Variants in C2CD3 observed in about 807,000 individuals in gnomAD.
C2CD3 encodes C2 domain containing 3 centriole elongation regulator.
In C2CD3, 148 loss-of-function variants were observed where a neutral mutation model predicts 234.0. The ratio of observed to expected loss-of-function variants is 0.63; its 90% CI spans 0.55 to 0.72. The LOEUF (loss-of-function observed/expected upper bound fraction) is 0.72, where lower values mean the gene tolerates loss of function less well. Among genes scored for constraint, C2CD3 ranks in the 30% least tolerant of loss-of-function variants. The pLI is 0.00. For synonymous variants in C2CD3, 1,000 were observed against 1,035.4 expected, an observed-to-expected ratio of 0.97 and a Z score of 0.66; for missense variants, 2,577 against 2,811.5, an observed-to-expected ratio of 0.92 and a Z score of 1.89.
At chr11:74,166,377 C>T (rs1228155355) in intron 2 of C2CD3, among the ~76,000 whole-genome samples, 2 of 151,524 alleles carry the variant, frequency 1.3e-5, no homozygotes, top group African/African-American at 4.8e-5. Flanking sequence ...ATAAGGTTCA[C>T]CTCATGTGTC....
chr11:74,059,798 A>G (rs1954144783), intron 24 of C2CD3, among the ~76,000 whole-genome samples: 1 of 152,166 alleles, frequency 6.6e-6, no homozygotes, highest in South Asian at 2.1e-4. Flanking sequence ...CAGTGGGTGC[A>G]GCCCATGGAA....
chr11:74,060,290 T>C (rs1021825901), intron 24 of C2CD3, among the ~76,000 whole-genome samples: 2 of 152,176 alleles, frequency 1.3e-5, no homozygotes, highest in East Asian at 1.9e-4. Flanking sequence ...AGCACGGAGT[T>C]TGAGATCTGA....
At chr11:74,121,812 C>A (rs1315585777) in intron 8 of C2CD3, among the ~76,000 whole-genome samples, 4 of 151,988 alleles carry the variant, frequency 2.6e-5, no homozygotes, top group Admixed American at 2.0e-4. Flanking sequence ...CTATAGGGAA[C>A]ACAGTATCAG....
chr11:74,066,124 A>G (rs113967472), intron 24 of C2CD3, among the ~76,000 whole-genome samples: 8 of 151,738 alleles, frequency 5.3e-5, no homozygotes, highest in African/African-American at 1.9e-4. Context: ...GCCATAAGAA[A>G]GGATGAGTTC....
In C2CD3 at chr11:74,064,166, C is replaced by T. The variant is rs374086474; in HGVS notation, c.4952-6622G>A. On this transcript the variant is annotated intron_variant, in intron 24 of 32. Transcript: ENST00000334126. ...TGCGGTGTTTGGTTTTTTGTCCTTG[C>T]GATAGTTTGCTGAGAATGATGGTTT... 1.8e-4 allele frequency among the ~76,000 whole-genome samples: 27 copies of T among 151,682 alleles called. No homozygotes were observed. The South Asian group carries it at 2.5e-3, about 14-fold the overall frequency.
chr11:74,022,593 C>A (rs1264433970), intron 32 of C2CD3, among the ~76,000 whole-genome samples: 1 of 152,298 alleles, frequency 6.6e-6, no homozygotes. Context: ...CTGAGGAAGA[C>A]AACATGTAAA....
At chr11:74,092,670 C>G in intron 18 of C2CD3, 82 bp from the exon 19 acceptor site, 1 of 1,179,790 alleles carries the variant, frequency 8.5e-7, no homozygotes, top group South Asian at 1.5e-5. Flanking sequence ...CCTTCACTAC[C>G]TGGTTATCTT....
intron 7 of C2CD3, among the ~76,000 whole-genome samples, chr11:74,123,979 C>T (rs1229884444): frequency 6.6e-6 from 1 of 152,112 alleles, no homozygotes; most frequent in Non-Finnish European, 1.5e-5. Context: ...GATCCACCCA[C>T]CTTGGCCTCC....
chr11:74,135,317 G>A (rs1957823445), intron 5 of C2CD3, among the ~76,000 whole-genome samples: 2 of 150,136 alleles, frequency 1.3e-5, no homozygotes, highest in Admixed American at 6.7e-5. Flanking sequence ...ACCCAGGCTA[G>A]AGTGCACTGG....
intron 9 of C2CD3, among the ~76,000 whole-genome samples, chr11:74,116,086 C>A (rs1956917789): frequency 6.6e-6 from 1 of 152,032 alleles, no homozygotes. Flanking sequence ...TATCCAAGAA[C>A]CCAAAAGCAA....
chr11:74,018,312 A>G (rs1386562371), intron 32 of C2CD3, among the ~76,000 whole-genome samples: 1 of 152,110 alleles, frequency 6.6e-6, no homozygotes, highest in African/African-American at 2.4e-5. Context: ...TCAGGCCCCA[A>G]AAGTCCTGAG....
chr11:74,109,217 C>G, intron 11 of C2CD3, 65 bp from the exon 12 acceptor site: 1 of 763,742 alleles, frequency 1.3e-6, no homozygotes, highest in Non-Finnish European at 2.1e-6. Context: ...TCAATTCATG[C>G]CTTGATACCA....
At chr11:74,047,980 T>C (rs923728730) in intron 28 of C2CD3, among the ~76,000 whole-genome samples, 5 of 152,226 alleles carry the variant, frequency 3.3e-5, no homozygotes, top group African/African-American at 1.2e-4. Flanking sequence ...ACTTGTCCCT[T>C]GTACTGAAGT....
In C2CD3 at chr11:74,042,242, AG is replaced by A. The variant is rs756979859; in HGVS notation, c.5496-25del. ...TTCTGTCAAAAAAAAAAAAAAAAAA[AG>A]TAGGAGCAAAATAAATTCCCAATCA... On this transcript the variant is annotated intron_variant, in intron 28 of 32. Coordinates refer to ENST00000334126, the MANE Select transcript of C2CD3 (RefSeq NM_001286577.2). 1.0e-4 allele frequency: 152 copies of A among 1,487,244 alleles called. No individual in the cohort carries two copies. In the African/African-American group the frequency reaches 1.7e-3, roughly 17 times the overall value. 92.1% of individuals were successfully genotyped at this position (1,487,244 alleles called of 1,614,324 possible).
intron 23 of C2CD3, among the ~76,000 whole-genome samples, chr11:74,074,879 G>C (rs1463608873): frequency 6.6e-6 from 1 of 152,072 alleles, no homozygotes; most frequent in Non-Finnish European, 1.5e-5. Context: ...TTGAGTCCAG[G>C]AGTTCAAGAG....
intron 3 of C2CD3, among the ~76,000 whole-genome samples, chr11:74,155,667 TA>T (rs1385545329): frequency 2.0e-5 from 3 of 152,122 alleles, no homozygotes; most frequent in Non-Finnish European, 4.4e-5. Flanking sequence ...ATTCCATCTG[TA>T]TAAAATGTCC....
At position 74,095,379 on chromosome 11, in the gene C2CD3, C is replaced by T. The variant is rs1320807765; in HGVS notation, c.3009G>A (p.Glu1003=). 1.2e-6 allele frequency: 2 copies of T among 1,613,002 alleles called. No individual in the cohort carries two copies. Among genetic ancestry groups the T allele is most frequent in the Non-Finnish European group, 1.7e-6 (2 of 1,179,410 alleles). The change falls in exon 17 of 33, where the codon GAG becomes GAA. Residue 1003 remains glutamate (E), a synonymous_variant. Coordinates refer to ENST00000334126, the MANE Select transcript of C2CD3 (RefSeq NM_001286577.2). The part of the protein sequence containing the change: ...MAEDRGNGLM[E]HCFEIHIEMV... ...TCTCTATATGGATCTCAAAGCAGTG[C>T]TCCATCAGTCCATTTCCTCGGTCCT...
At chr11:74,106,328 A>G in intron 13 of C2CD3, 43 bp downstream of exon 13, 23 of 1,605,480 alleles carry the variant, frequency 1.4e-5, no homozygotes, top group Non-Finnish European at 2.0e-5. Context: ...AATAATGCAT[A>G]CTCAGCAAAT....
At chr11:74,136,241 C>T (rs1434462922) in intron 5 of C2CD3, among the ~76,000 whole-genome samples, 3 of 152,186 alleles carry the variant, frequency 2.0e-5, no homozygotes, top group African/African-American at 7.2e-5. Flanking sequence ...GTCCCTCTCC[C>T]ATTTGTGCAC....
Sources: gnomAD v4.1 joint callset for allele counts (sites outside exome capture counted in the v4.1 genomes callset) on GRCh38, gnomAD v4.1.1 for gene constraint, MANE v1.5 for transcripts, NCBI Gene and HGNC (gene_info 2026-07-23, HGNC 2026-07-21) for gene names.